P2RX7: variants seen among roughly 807,000 people sequenced by gnomAD.
P2RX7 encodes the protein P2X purinoceptor 7.
In P2RX7, 62 loss-of-function variants were observed where a neutral mutation model predicts 71.6. That is an observed-to-expected ratio of 0.87 (90% CI 0.71 to 1.07). The LOEUF (loss-of-function observed/expected upper bound fraction) is 1.07. P2RX7 is among the 50% of genes least tolerant of loss of function. The pLI is 0.00. For missense variants in P2RX7, 686 were observed against 748.5 expected (o/e 0.92, Z 0.97); for synonymous variants, 299 against 283.3 (o/e 1.06, Z -0.56).
At position 121,154,965 on chromosome 12, in the gene P2RX7, G is replaced by A. The variant is rs200034458; in HGVS notation, c.294+12G>A. ...CCTTCCCTTTGCAGGTGAGCACCTC[G>A]TAGCATTCTCCCAGGCTCGTCGCTG... On this transcript the variant is annotated intron_variant, in intron 2 of 12. Coordinates refer to ENST00000328963, the MANE Select transcript of P2RX7 (RefSeq NM_002562.6). The surrounding 1 kb of genome is among the most constrained non-coding windows in gnomAD (Gnocchi z 4.2). 8.9e-5 allele frequency: 143 copies of A among 1,613,846 alleles called. No individual in the cohort carries two copies. The highest frequency in any genetic ancestry group is 2.5e-4 in the East Asian group (11 of 44,882).
Position 121,165,966 on chromosome 12 carries a change from C to A in P2RX7, c.615-92C>A, listed in dbSNP as rs138561855. The A allele has an allele frequency of 1.7e-4, 226 of 1,363,170 alleles. 2 individuals carry two copies. The East Asian group carries it at 5.3e-3, about 32-fold the overall frequency. 84.4% of individuals were successfully genotyped at this position (1,363,170 alleles called of 1,614,324 possible). A position where few individuals can be genotyped will look rare whatever the true frequency, so the allele number is the denominator to read the frequency against. On this transcript the variant is annotated intron_variant, in intron 6 of 12. Transcript: ENST00000328963. Reference sequence around the variant, plus strand: ...GTGATCATTTGGGGCTTTCATGGAACCTCTCCACCACACTGGCTCACTCCT... The same window carrying A: ...GTGATCATTTGGGGCTTTCATGGAAACTCTCCACCACACTGGCTCACTCCT...
chr12:121,161,508 G>A (rs983770009), intron 4 of P2RX7, among the ~76,000 whole-genome samples: 2 of 152,024 alleles, frequency 1.3e-5, no homozygotes, highest in Non-Finnish European at 2.9e-5. Context: ...AAAAGGCACA[G>A]GGCAGCGAGC....
At chr12:121,155,394 A>C in intron 2 of P2RX7, 4 of 1,291,384 alleles carry the variant, frequency 3.1e-6, no homozygotes, top group Non-Finnish European at 4.0e-6. Context: ...TCCACAAAGA[A>C]AGGATGTAAA....
chr12:121,155,255 C>T, intron 2 of P2RX7: 15 of 1,353,804 alleles, frequency 1.1e-5, no homozygotes, highest in Non-Finnish European at 1.5e-5. Context: ...CGCACAGCCA[C>T]CAAGCCAGCA....
intron 5 of P2RX7, among the ~76,000 whole-genome samples, chr12:121,162,981 G>A (rs574155561): frequency 2.0e-5 from 3 of 151,636 alleles, no homozygotes; most frequent in East Asian, 3.9e-4. Flanking sequence ...AAAAGAGGGG[G>A]GGAAGGAAGT....
chr12:121,143,642 G>A (rs995065908), intron 1 of P2RX7, among the ~76,000 whole-genome samples: 1 of 151,818 alleles, frequency 6.6e-6, no homozygotes, highest in Non-Finnish European at 1.5e-5. Flanking sequence ...CTGAGGTCAG[G>A]AGTTCGAGAC....
At chr12:121,148,188 T>TTTTA (rs10627747) in intron 1 of P2RX7, among the ~76,000 whole-genome samples, 22,256 of 140,402 alleles carry the variant, frequency 0.16, 2,101 homozygotes, top group South Asian at 0.25. Context: ...CTGGGATCTT[T>TTTTA]TTTATTTATT....
intron 1 of P2RX7, among the ~76,000 whole-genome samples, chr12:121,148,477 A>C (rs2136017958): frequency 6.6e-6 from 1 of 152,086 alleles, no homozygotes; most frequent in South Asian, 2.1e-4. Context: ...AGCCTCCCAA[A>C]GTGCTGGAAT....
rs1490707668 is a variant in P2RX7 at position 121,184,328 on chromosome 12, T to C, written c.1314T>C (p.Asp438=). 2 of 1,610,884 alleles carry C rather than the reference T, an allele frequency of 1.2e-6. No homozygotes were observed. Among genetic ancestry groups the C allele is most frequent in the Non-Finnish European group, 1.7e-6 (2 of 1,178,084 alleles). Residue 438 remains aspartate (D), a synonymous_variant, in exon 13 of 13, where the codon GAT becomes GAC. Transcript: ENST00000328963. ...EVPRPAMDFT[D]LSRLPLALHD... ...AGAGACCTGCGATGGACTTCACAGATTTGTCCAGGCTGCCCCTGGCCCTCC... is the reference window on the plus strand; with the variant it reads ...AGAGACCTGCGATGGACTTCACAGACTTGTCCAGGCTGCCCCTGGCCCTCC...
In P2RX7 at chr12:121,133,057, T is replaced by G; in HGVS notation, c.87T>G (p.Ile29Met). The G allele has an allele frequency of 6.2e-7, 1 of 1,614,126 alleles. No homozygotes were observed. The highest frequency in any genetic ancestry group is 8.5e-7 in the Non-Finnish European group (1 of 1,180,002). The change falls in exon 1 of 13, where the codon ATT becomes ATG. Residue 29 changes from isoleucine to methionine, a missense_variant. Transcript: ENST00000328963. ...TRIQSMNYGT[I>M]KWFFHVIIFS... ...TCCAGAGCATGAATTATGGCACCATTAAGTGGTTCTTCCACGTGATCATCT... is the reference window on the plus strand; with the variant it reads ...TCCAGAGCATGAATTATGGCACCATGAAGTGGTTCTTCCACGTGATCATCT...
chr12:121,165,546 T>C, intron 6 of P2RX7, 109 bp downstream of exon 6: 4 of 860,268 alleles, frequency 4.6e-6, no homozygotes, highest in Non-Finnish European at 7.5e-6. Context: ...CCACGGTTTC[T>C]GTGGGTCAGG....
chr12:121,146,987 A>C lies in P2RX7; in HGVS notation c.126-7798A>C, dbSNP rs140036074. 2.2e-3 allele frequency among the ~76,000 whole-genome samples: 335 copies of C among 152,378 alleles called. 1 individual carries two copies. Among genetic ancestry groups the C allele is most frequent in the African/African-American group, 7.7e-3 (320 of 41,600 alleles). On this transcript the variant is annotated intron_variant, in intron 1 of 12. Transcript: ENST00000328963. ...ACTATCTTTAGTCACAGGTGGCACA[A>C]TCCCATATAGGGAGAATCCCAAAGA...
intron 1 of P2RX7, among the ~76,000 whole-genome samples, chr12:121,141,997 C>T (rs371632864): frequency 1.3e-5 from 2 of 152,236 alleles, no homozygotes; most frequent in South Asian, 2.1e-4. Flanking sequence ...TGGGTGTGCA[C>T]AGAATTCAAA....
Position 121,154,989 on chromosome 12 carries a change from T to TGGTCACCGTCGCC in P2RX7, c.294+37_294+49dup. On this transcript the variant is annotated intron_variant, in intron 2 of 12. Transcript: ENST00000328963. This position sits in a 1 kb window ranked among gnomAD's most constrained non-coding sequence, Gnocchi z 4.2. ...CGTAGCATTCTCCCAGGCTCGTCGC[T>TGGTCACCGTCGCC]GGTCACCGTCGCCAGGGCCTAGCTC... 2 of 1,610,910 alleles carry TGGTCACCGTCGCC rather than the reference T, an allele frequency of 1.2e-6. No individual in the cohort carries two copies. The highest frequency in any genetic ancestry group is 1.7e-6 in the Non-Finnish European group (2 of 1,178,040).
intron 5 of P2RX7, among the ~76,000 whole-genome samples, chr12:121,163,849 A>T (rs1185776229): frequency 6.6e-6 from 1 of 152,176 alleles, no homozygotes; most frequent in Non-Finnish European, 1.5e-5. Flanking sequence ...GTGATTCAGG[A>T]TCATTCCCTC....
At chr12:121,139,324 C>G (rs1360766578) in intron 1 of P2RX7, among the ~76,000 whole-genome samples, 1 of 152,212 alleles carries the variant, frequency 6.6e-6, no homozygotes, top group African/African-American at 2.4e-5. Context: ...TGGTTGCATT[C>G]TCTTTGGAGG....
Position 121,154,952 on chromosome 12 carries a change from A to T in P2RX7, c.293A>T (p.Gln98Leu), listed in dbSNP as rs1246721349. ...ACCGCAGACTACACCTTCCCTTTGCAGGTGAGCACCTCGTAGCATTCTCCC... is the reference window on the plus strand; with the variant it reads ...ACCGCAGACTACACCTTCCCTTTGCTGGTGAGCACCTCGTAGCATTCTCCC... ...FDTADYTFPLQGNSFFVMTNF... is the reference protein window; with the variant it reads ...FDTADYTFPLLGNSFFVMTNF... The change falls in exon 2 of 13, where the codon CAG becomes CTG. Residue 98 changes from glutamine to leucine, a missense_variant and splice_region_variant. Transcript: ENST00000328963. This position sits in a 1 kb window ranked among gnomAD's most constrained non-coding sequence, Gnocchi z 4.2. 3.1e-6 allele frequency: 5 copies of T among 1,614,138 alleles called. No individual in the cohort carries two copies. In the South Asian group the frequency reaches 5.5e-5, roughly 18 times the overall value.
At chr12:121,160,422 C>T (rs1209444109) in intron 3 of P2RX7, among the ~76,000 whole-genome samples, 1 of 152,200 alleles carries the variant, frequency 6.6e-6, no homozygotes, top group Non-Finnish European at 1.5e-5. Context: ...GCTGGGATTA[C>T]AGGCGTGATA....
At position 121,154,704 on chromosome 12, in the gene P2RX7, A is replaced by C; in HGVS notation, c.126-81A>C. On this transcript the variant is annotated intron_variant, in intron 1 of 12. Transcript: ENST00000328963. The surrounding 1 kb of genome is among the most constrained non-coding windows in gnomAD (Gnocchi z 4.2). ...GCAGCAGAGCTAGGATTGGAACAGA[A>C]GTGCCTGCATCCTCCAACGCCTGCA... 1.1e-6 allele frequency: 1 copy of C among 872,862 alleles called. No homozygotes were observed. Among genetic ancestry groups the C allele is most frequent in the East Asian group, 2.4e-5 (1 of 41,624 alleles). The allele number at this position is 872,862 out of a possible 1,614,324, so 54.1% of individuals were successfully genotyped here.
Sources: allele counts gnomAD v4.1 joint callset (sites outside exome capture counted in the v4.1 genomes callset), GRCh38; gene constraint gnomAD v4.1.1; non-coding constraint Gnocchi (gnomAD v3.1); transcripts MANE v1.5; gene names NCBI Gene and HGNC (gene_info 2026-07-23, HGNC 2026-07-21).